The following PFKM variants were observed in gnomAD, a reference collection of about 807,000 sequenced individuals.
PFKM encodes ATP-dependent 6-phosphofructokinase, muscle type.
Under a neutral mutation model 95.5 loss-of-function variants are expected in PFKM, and 58 were observed. The observed-to-expected ratio is 0.61, with a 90% confidence interval of 0.49 to 0.76. PFKM has a LOEUF of 0.76. Ranked by LOEUF, PFKM falls within the 30% of genes least tolerant of loss-of-function variation. The pLI, the probability that PFKM is intolerant of heterozygous loss-of-function variation, is 0.00. For synonymous variants in PFKM, 336 were observed against 357.2 expected, an observed-to-expected ratio of 0.94 and a Z score of 0.67; for missense variants, 678 against 1,005.4, an observed-to-expected ratio of 0.67 and a Z score of 4.40.
chr12:48,116,415 T>C (rs1947689050), upstream of PFKM, among the ~76,000 whole-genome samples: 1 of 152,188 alleles, frequency 6.6e-6, no homozygotes, highest in Admixed American at 6.5e-5. Flanking sequence ...GAGCATCTTT[T>C]CTTGTACTTT....
rs758178966 is a variant in PFKM, at chr12:48,139,280, C to G, written c.1063-5C>G. On this transcript the variant is annotated splice_polypyrimidine_tract_variant and splice_region_variant and intron_variant, in intron 11 of 22. Coordinates refer to ENST00000359794, the MANE Select transcript of PFKM (RefSeq NM_000289.6). ...GTTGAAACTGTCGCTGTGCTCCCCC[C>G]TCAGACCAAAGATGTGACCAAGGCC... 1.9e-6 allele frequency: 3 copies of G among 1,612,908 alleles called. No homozygotes were observed. The highest frequency in any genetic ancestry group is 3.3e-5 in the Admixed American group (2 of 60,016).
At chr12:48,128,223 C>T (rs1949049885) in intron 2 of PFKM, among the ~76,000 whole-genome samples, 1 of 152,028 alleles carries the variant, frequency 6.6e-6, no homozygotes, top group Non-Finnish European at 1.5e-5. Context: ...TTCTGGCAGG[C>T]TTAGATACTC....
chr12:48,105,569 G>A (rs1171478117), upstream of PFKM: 4 of 494,246 alleles, frequency 8.1e-6, no homozygotes, highest in Non-Finnish European at 1.6e-5. Context: ...AGACGCAGAA[G>A]TAGTCAAGAA....
intron 1 of PFKM, chr12:48,122,538 T>A: frequency 7.3e-7 from 1 of 1,360,994 alleles, no homozygotes; most frequent in Non-Finnish European, 9.5e-7. Context: ...CAGGGAGGAA[T>A]TAGGACCTTA....
intron 1 of PFKM, chr12:48,106,150 G>C: frequency 1.4e-6 from 1 of 702,268 alleles, no homozygotes. Context: ...GGCTGAAGAG[G>C]AGGGGGCTGG....
Position 48,122,748 on chromosome 12 carries a change from C to G in PFKM, c.-8-19C>G, listed in dbSNP as rs1342411496. ...TTGATTCCTGCTGTGTCTTAACTGACCATTGTCTTAAATTCTAGAGTGGAT... is the reference window on the plus strand; with the variant it reads ...TTGATTCCTGCTGTGTCTTAACTGAGCATTGTCTTAAATTCTAGAGTGGAT... On this transcript the variant is annotated intron_variant, in intron 1 of 22. Transcript: ENST00000359794. 1 of 1,613,722 alleles carries G rather than the reference C, an allele frequency of 6.2e-7. No homozygotes were observed. The highest frequency in any genetic ancestry group is 1.3e-5 in the African/African-American group (1 of 75,022).
At chr12:48,139,239 G>C (rs1238238471) in intron 11 of PFKM, 46 bp from the exon 12 acceptor site, 3 of 1,482,744 alleles carry the variant, frequency 2.0e-6, no homozygotes, top group Non-Finnish European at 2.8e-6. Flanking sequence ...CAGCTGTGCA[G>C]AATCCTGACC....
upstream of PFKM, among the ~76,000 whole-genome samples, chr12:48,115,751 G>C (rs1292060898): frequency 6.6e-6 from 1 of 152,024 alleles, no homozygotes; most frequent in Non-Finnish European, 1.5e-5. Context: ...CTCATATTTG[G>C]CTCAGAATAA....
chr12:48,141,810 A>G lies in PFKM; in HGVS notation c.1483A>G (p.Ile495Val), dbSNP rs757295833. ...ITKFNIQGLV[I>V]IGGFEAYTGG... ...TAAGTTTAACATTCAGGGCCTTGTC[A>G]TCATTGGGGGCTTTGAGGTGAGTGC... Residue 495 changes from isoleucine (I) to valine (V), a missense_variant, in exon 16 of 23, where the codon ATC (isoleucine) becomes GTC (valine). Ile to Val is a conservative substitution (Grantham distance 29). Coordinates refer to ENST00000359794, the MANE Select transcript of PFKM (RefSeq NM_000289.6). The G allele has an allele frequency of 1.2e-6, 2 of 1,613,834 alleles. No homozygotes were observed. Among genetic ancestry groups the G allele is most frequent in the Non-Finnish European group, 1.7e-6 (2 of 1,179,824 alleles).
upstream of PFKM, chr12:48,105,574 C>T: frequency 2.1e-6 from 1 of 484,768 alleles, no homozygotes; most frequent in Non-Finnish European, 4.1e-6. Flanking sequence ...CAGAAGTAGT[C>T]AAGAAATATC....
intron 1 of PFKM, chr12:48,122,422 C>G (rs903072511): frequency 1.4e-5 from 3 of 207,806 alleles, no homozygotes; most frequent in African/African-American, 2.4e-5. Flanking sequence ...ATCGTTGAGG[C>G]TAACTCAACT....
chr12:48,140,893 C>T, intron 14 of PFKM, 22 bp downstream of exon 14: 21 of 1,613,478 alleles, frequency 1.3e-5, no homozygotes, highest in Non-Finnish European at 1.8e-5. Context: ...ATTCTGGGAC[C>T]TAGGAGCAGT....
At chr12:48,107,244 T>G (rs1763354637) in intron 1 of PFKM, 1 of 673,392 alleles carries the variant, frequency 1.5e-6, no homozygotes, top group Admixed American at 2.2e-5. Context: ...TGCTGATACT[T>G]TTATATTATA....
At chr12:48,105,967 A>C in exon 1 of PFKM, 2 of 698,332 alleles carry the variant, frequency 2.9e-6, no homozygotes, top group Non-Finnish European at 5.2e-6. Context: ...GGTCCGACAC[A>C]GTCTCCTGGA....
intron 3 of PFKM, among the ~76,000 whole-genome samples, chr12:48,113,827 A>T (rs568601874): frequency 1.3e-5 from 2 of 152,112 alleles, no homozygotes; most frequent in African/African-American, 4.8e-5. Flanking sequence ...GATTTTTCTA[A>T]TGTCAGGAGC....
intron 3 of PFKM, among the ~76,000 whole-genome samples, chr12:48,112,725 G>A (rs1421397620): frequency 1.3e-5 from 2 of 152,270 alleles, no homozygotes; most frequent in South Asian, 2.1e-4. Context: ...TTGATAAGGC[G>A]CAGATCCTGA....
At chr12:48,128,287 C>T (rs993682067) in intron 2 of PFKM, among the ~76,000 whole-genome samples, 14 of 148,926 alleles carry the variant, frequency 9.4e-5, no homozygotes, top group Non-Finnish European at 1.9e-4. Context: ...CTCTTTTTTT[C>T]GAGAGATGGG....
intron 3 of PFKM, among the ~76,000 whole-genome samples, chr12:48,111,458 A>G (rs1274738626): frequency 6.6e-6 from 1 of 152,244 alleles, no homozygotes; most frequent in Non-Finnish European, 1.5e-5. Flanking sequence ...ATGGTGGTGC[A>G]GGATATGGAA....
At chr12:48,114,161 G>A (rs572202213) in intron 3 of PFKM, among the ~76,000 whole-genome samples, 2 of 152,282 alleles carry the variant, frequency 1.3e-5, no homozygotes, top group South Asian at 2.1e-4. Context: ...ATCAGCATGC[G>A]ATTGGGCTAG....
Sources: gnomAD v4.1 joint callset for allele counts (sites outside exome capture counted in the v4.1 genomes callset) on GRCh38, gnomAD v4.1.1 for gene constraint, MANE v1.5 for transcripts, NCBI Gene and HGNC (gene_info 2026-07-23, HGNC 2026-07-21) for gene names.